UBE2D1: variants seen among roughly 807,000 people sequenced by gnomAD.
UBE2D1 encodes the protein ubiquitin-conjugating enzyme E2 D1.
In UBE2D1, 9 loss-of-function variants were observed where a neutral mutation model predicts 24.6. The ratio of observed to expected loss-of-function variants is 0.37; its 90% CI spans 0.22 to 0.64. UBE2D1 has a LOEUF of 0.64. Ranked by LOEUF, UBE2D1 falls within the 30% of genes least tolerant of loss-of-function variation. The probability of loss-of-function intolerance (pLI) is 0.64; values close to 1 mark genes in which losing one functional copy is unlikely to be tolerated. For synonymous variants in UBE2D1, 57 were observed against 57.6 expected, an observed-to-expected ratio of 0.99 and a Z score of 0.04; for missense variants, 87 against 177.1, an observed-to-expected ratio of 0.49 and a Z score of 2.89.
In UBE2D1 at chr10:58,361,526, T is replaced by C; in HGVS notation, c.120T>C (p.Pro40=). The C allele has an allele frequency of 6.2e-7, 1 of 1,614,146 alleles. No individual in the cohort carries two copies. Among genetic ancestry groups the C allele is most frequent in the Non-Finnish European group, 8.5e-7 (1 of 1,180,016 alleles). ...LFHWQATIMG[P]PDSAYQGGVF... ...ACTGGCAAGCCACTATTATGGGGCC[T>C]GTAAGTATGATTCATATCTATGAAA... The change falls in exon 3 of 7, where the codon CCT becomes CCC. Residue 40 remains proline (P), a splice_region_variant and synonymous_variant. Coordinates refer to ENST00000373910, the MANE Select transcript of UBE2D1 (RefSeq NM_003338.5).
intron 1 of UBE2D1, among the ~76,000 whole-genome samples, chr10:58,345,443 T>G (rs1222631164): frequency 6.6e-6 from 1 of 152,130 alleles, no homozygotes; most frequent in African/African-American, 2.4e-5. Flanking sequence ...CCACTGCACT[T>G]CAGCTTGTAT....
rs542297500 is a variant in UBE2D1, at chr10:58,345,319, T to A, written c.24+10094T>A. Among the ~76,000 whole-genome samples the A allele has an allele frequency of 1.9e-4, 29 of 151,784 alleles. 2 individuals carry two copies. In the South Asian group the frequency reaches 5.8e-3, roughly 31 times the overall value. On this transcript the variant is annotated intron_variant, in intron 1 of 6. Coordinates refer to ENST00000373910, the MANE Select transcript of UBE2D1 (RefSeq NM_003338.5). ...GATCCCATTTATTTTAAAAAAAAAA[T>A]TAAAAAATAGCTCAGCATCGTGGCA...
intron 1 of UBE2D1, among the ~76,000 whole-genome samples, chr10:58,347,841 A>G (rs1840033505): frequency 1.3e-5 from 2 of 151,684 alleles, no homozygotes; most frequent in African/African-American, 2.4e-5. Context: ...TAGAGACGAG[A>G]TTTCACCATG....
At chr10:58,363,377 G>A (rs568704258) in intron 3 of UBE2D1, among the ~76,000 whole-genome samples, 1 of 152,108 alleles carries the variant, frequency 6.6e-6, no homozygotes, top group African/African-American at 2.4e-5. Context: ...TTATGATGTC[G>A]GCATAGTTGT....
intron 1 of UBE2D1, among the ~76,000 whole-genome samples, chr10:58,349,745 C>A (rs961120211): frequency 9.2e-5 from 14 of 152,052 alleles, no homozygotes; most frequent in African/African-American, 2.9e-4. Flanking sequence ...CCTGTGAAAC[C>A]AGCACCCAGC....
chr10:58,346,323 T>C (rs1272514339), intron 1 of UBE2D1, among the ~76,000 whole-genome samples: 2 of 152,132 alleles, frequency 1.3e-5, no homozygotes, highest in African/African-American at 4.8e-5. Flanking sequence ...GAATGAACAC[T>C]CTTAATCATA....
chr10:58,363,720 T>C, intron 4 of UBE2D1, 34 bp downstream of exon 4: 1 of 1,462,676 alleles, frequency 6.8e-7, no homozygotes, highest in Middle Eastern at 1.8e-4. Context: ...GTGACTCCCA[T>C]GTAAGAGATT....
rs546964033 is a variant in UBE2D1 at position 58,361,639 on chromosome 10, C to T, written c.120+113C>T. ...GGTTGAATATTCTTGTACTTTGAAT[C>T]ACCTAGGAAGCAAAATATTATTAAG... On this transcript the variant is annotated intron_variant, in intron 3 of 6. Coordinates refer to ENST00000373910, the MANE Select transcript of UBE2D1 (RefSeq NM_003338.5). 1.1e-5 allele frequency: 16 copies of T among 1,424,702 alleles called. No individual in the cohort carries two copies. The East Asian group carries it at 3.2e-4, about 29-fold the overall frequency. The allele number at this position is 1,424,702 out of a possible 1,614,324, so 88.3% of individuals were successfully genotyped here. A position where few individuals can be genotyped will look rare whatever the true frequency, so the allele number is the denominator to read the frequency against.
intron 1 of UBE2D1, among the ~76,000 whole-genome samples, chr10:58,338,827 A>G (rs976629768): frequency 6.6e-6 from 1 of 152,248 alleles, no homozygotes; most frequent in Non-Finnish European, 1.5e-5. Context: ...GTGAGGCAAT[A>G]GAGTTCCGTT....
chr10:58,350,015 G>A (rs1024609693), intron 1 of UBE2D1, among the ~76,000 whole-genome samples: 2 of 152,178 alleles, frequency 1.3e-5, no homozygotes, highest in Non-Finnish European at 2.9e-5. Flanking sequence ...TATGCTTCGA[G>A]TTGTTCGTTC....
intron 1 of UBE2D1, among the ~76,000 whole-genome samples, chr10:58,341,751 T>C (rs1317583458): frequency 1.3e-5 from 2 of 152,310 alleles, no homozygotes; most frequent in Non-Finnish European, 1.5e-5. Context: ...TAATGAGTGC[T>C]ACTAATAGAA....
chr10:58,345,674 G>C (rs1840007939), intron 1 of UBE2D1, among the ~76,000 whole-genome samples: 1 of 152,182 alleles, frequency 6.6e-6, no homozygotes, highest in African/African-American at 2.4e-5. Context: ...ATTTAAACAG[G>C]AAGGGAGTCA....
rs1163529558 is a variant in UBE2D1 at position 58,370,711 on chromosome 10, G to A, written c.*1946G>A. On this transcript the variant is annotated 3_prime_UTR_variant, in exon 7 of 7. Coordinates refer to ENST00000373910, the MANE Select transcript of UBE2D1 (RefSeq NM_003338.5). ...TTGTGTGGCATTTATTTTTGGAAGT[G>A]TCTTCTTTTTTTTCTTTATTAAAGT... is the stretch of plus-strand genomic sequence containing the variant. 1 of 151,032 alleles carries A rather than the reference G, an allele frequency of 6.6e-6. No homozygotes were observed. The highest frequency in any genetic ancestry group is 1.5e-5 in the Non-Finnish European group (1 of 67,682). The allele number at this position is 151,032 out of a possible 1,614,324, so 9.4% of individuals were successfully genotyped here. A position where few individuals can be genotyped will look rare whatever the true frequency, so the allele number is the denominator to read the frequency against.
chr10:58,340,185 G>C (rs1052129850), intron 1 of UBE2D1, among the ~76,000 whole-genome samples: 1 of 152,150 alleles, frequency 6.6e-6, no homozygotes, highest in African/African-American at 2.4e-5. Context: ...TGTTACTAAT[G>C]AGATATTTAT....
rs569349389 is a variant in UBE2D1 at position 58,341,064 on chromosome 10, T to C, written c.24+5839T>C. Among the ~76,000 whole-genome samples, 9 of 152,374 alleles carry C rather than the reference T, an allele frequency of 5.9e-5. 1 individual carries two copies. The highest frequency in any genetic ancestry group is 3.4e-3 in the Middle Eastern group (1 of 294). On this transcript the variant is annotated intron_variant, in intron 1 of 6. Transcript: ENST00000373910. ...TGCTCCAAAGTAACACATGCTGAGA[T>C]CGTTTAACATTGTAAATCAGTAATA... is the stretch of plus-strand genomic sequence containing the variant.
At chr10:58,338,300 A>G (rs1011722028) in intron 1 of UBE2D1, among the ~76,000 whole-genome samples, 1 of 152,248 alleles carries the variant, frequency 6.6e-6, no homozygotes, top group Non-Finnish European at 1.5e-5. Flanking sequence ...TTTTTATAGT[A>G]GAATAAACTA....
chr10:58,361,035 C>T, intron 1 of UBE2D1: 1 of 485,604 alleles, frequency 2.1e-6, no homozygotes, highest in Non-Finnish European at 3.8e-6. Context: ...ATCAACCTAG[C>T]ATTTACATAA....
At chr10:58,360,208 C>A (rs1366033982) in intron 1 of UBE2D1, among the ~76,000 whole-genome samples, 1 of 152,232 alleles carries the variant, frequency 6.6e-6, no homozygotes, top group Non-Finnish European at 1.5e-5. Context: ...CCAAAAGTAA[C>A]TCCTACTCAT....
intron 1 of UBE2D1, among the ~76,000 whole-genome samples, chr10:58,349,250 G>T (rs903295420): frequency 1.3e-5 from 2 of 151,936 alleles, no homozygotes; most frequent in Non-Finnish European, 2.9e-5. Context: ...CTTCTAGCTA[G>T]TTTTTTTATT....
Sources: allele counts gnomAD v4.1 joint callset (sites outside exome capture counted in the v4.1 genomes callset), GRCh38; gene constraint gnomAD v4.1.1; transcripts MANE v1.5; gene names NCBI Gene and HGNC (gene_info 2026-07-23, HGNC 2026-07-21).